The following TRPM2 variants were observed in gnomAD, a reference collection of about 807,000 sequenced individuals.
The protein encoded by TRPM2 is estrogen-responsive element-associated gene 1 protein.
Under a neutral mutation model 174.0 loss-of-function variants are expected in TRPM2, and 161 were observed. The ratio of observed to expected loss-of-function variants is 0.93; its 90% CI spans 0.81 to 1.05. The LOEUF (loss-of-function observed/expected upper bound fraction) is 1.05, where lower values mean the gene tolerates loss of function less well. TRPM2 is among the 50% of genes least tolerant of loss of function. TRPM2 has a pLI of 0.00. For missense variants in TRPM2, 2,057 were observed against 2,038.0 expected (o/e 1.01, Z -0.18); for synonymous variants, 954 against 861.3 (o/e 1.11, Z -1.88).
Position 44,369,298 on chromosome 21 carries a change from C to T in TRPM2, c.726C>T (p.Ala242=), listed in dbSNP as rs1233588825. ...GCGAGCTCATCACCATCGGAGTCGC[C>T]ACCTGGGGCACTGTCCACCGCCGCG... ...KEGELITIGV[A]TWGTVHRREG... Residue 242 remains alanine (A), a synonymous_variant, in exon 5 of 32, where the codon GCC becomes GCT. Coordinates refer to ENST00000397928, the MANE Select transcript of TRPM2 (RefSeq NM_003307.4). The T allele has an allele frequency of 6.2e-7, 1 of 1,613,552 alleles. No individual in the cohort carries two copies. Among genetic ancestry groups the T allele is most frequent in the East Asian group, 2.2e-5 (1 of 44,888 alleles).
chr21:44,422,264 C>A, intron 22 of TRPM2: 1 of 1,535,592 alleles, frequency 6.5e-7, no homozygotes, highest in South Asian at 1.2e-5. Flanking sequence ...AGCTCCTCGC[C>A]CACAGGGCAG....
At chr21:44,364,087 T>A in intron 2 of TRPM2, 27 bp from the exon 3 acceptor site, 1 of 1,607,650 alleles carries the variant, frequency 6.2e-7, no homozygotes, top group Non-Finnish European at 8.5e-7. Flanking sequence ...CCACACTCCC[T>A]GGGTGACTGG....
chr21:44,418,196 C>G, intron 21 of TRPM2, 88 bp downstream of exon 21: 47 of 1,509,106 alleles, frequency 3.1e-5, no homozygotes, highest in Non-Finnish European at 4.1e-5. Context: ...GCCCAGAACC[C>G]TGGACGCTCA....
intron 2 of TRPM2, among the ~76,000 whole-genome samples, chr21:44,357,074 A>G (rs919076117): frequency 1.8e-4 from 28 of 151,872 alleles, no homozygotes; most frequent in African/African-American, 6.3e-4. Context: ...TCTTCTGCTG[A>G]CCTCTTGTCT....
At chr21:44,374,819 G>T (rs2048647432) in intron 5 of TRPM2, among the ~76,000 whole-genome samples, 1 of 152,080 alleles carries the variant, frequency 6.6e-6, no homozygotes, top group Non-Finnish European at 1.5e-5. Flanking sequence ...ATCCTCACAG[G>T]CCACAGACCA....
At chr21:44,414,901 G>A (rs555627369) in intron 20 of TRPM2, 4 of 152,344 alleles carry the variant, frequency 2.6e-5, no homozygotes, top group South Asian at 2.1e-4. Flanking sequence ...TCCTGCAAGC[G>A]AGTCTCAGCA....
chr21:44,425,849 A>T, intron 25 of TRPM2, 22 bp downstream of exon 25: 1 of 1,535,758 alleles, frequency 6.5e-7, no homozygotes, highest in Non-Finnish European at 8.8e-7. Context: ...CCCAAGCCCA[A>T]CCAGGCGGAG....
intron 8 of TRPM2, among the ~76,000 whole-genome samples, chr21:44,379,856 G>C (rs926779782): frequency 4.6e-5 from 7 of 152,238 alleles, no homozygotes; most frequent in African/African-American, 1.4e-4. Context: ...CTTTGCAGGG[G>C]CTGGCACTGG....
At chr21:44,369,511 G>A (rs58081043) in intron 5 of TRPM2, among the ~76,000 whole-genome samples, 168 bp downstream of exon 5, 2 of 107,090 alleles carry the variant, frequency 1.9e-5, no homozygotes, top group African/African-American at 7.7e-5. Context: ...TGTGGGTGAC[G>A]TCTGACCGGG....
chr21:44,441,112 G>A (rs567342650), intron 31 of TRPM2, among the ~76,000 whole-genome samples: 4 of 152,188 alleles, frequency 2.6e-5, no homozygotes, highest in Admixed American at 6.5e-5. Flanking sequence ...GGACCTGGCC[G>A]TGCTCCTGGG....
rs35759435 is a variant in TRPM2, at chr21:44,404,388, CAT to C, written c.2539-751_2539-750del. 4.5e-3 allele frequency among the ~76,000 whole-genome samples: 672 copies of C among 149,362 alleles called. 4 individuals carry two copies. The highest frequency in any genetic ancestry group is 0.016 in the African/African-American group (632 of 39,188). ...CAGAATGCACACATACATACACACACATATGTGCACACATACATATTCACACG... is the reference window on the plus strand; with the variant it reads ...CAGAATGCACACATACATACACACACATGTGCACACATACATATTCACACG... On this transcript the variant is annotated intron_variant, in intron 16 of 31. Transcript: ENST00000397928.
intron 27 of TRPM2, among the ~76,000 whole-genome samples, chr21:44,433,830 G>T (rs562459459): frequency 6.6e-6 from 1 of 152,194 alleles, no homozygotes; most frequent in Non-Finnish European, 1.5e-5. Context: ...GACTCTGATC[G>T]CTGTGGGCTC....
In TRPM2 at chr21:44,441,728, T is replaced by C; in HGVS notation, c.4423T>C (p.Trp1475Arg). 1 of 1,611,966 alleles carries C rather than the reference T, an allele frequency of 6.2e-7. No homozygotes were observed. The highest frequency in any genetic ancestry group is 8.5e-7 in the Non-Finnish European group (1 of 1,179,086). Reference sequence around the variant, plus strand: ...CTGCGACTCGGGGGCCTCCATCCGATGGCAGGTGGTGGACAGGCGCATCCC... The same window carrying C: ...CTGCGACTCGGGGGCCTCCATCCGACGGCAGGTGGTGGACAGGCGCATCCC... Reference protein sequence around the residue: ...HACDSGASIRWQVVDRRIPLY... With the variant: ...HACDSGASIRRQVVDRRIPLY... The change falls in exon 32 of 32, where the codon TGG becomes CGG. Residue 1475 changes from tryptophan to arginine, a missense_variant. By Grantham distance (101) the Trp-to-Arg change is moderately radical. Coordinates refer to ENST00000397928, the MANE Select transcript of TRPM2 (RefSeq NM_003307.4).
chr21:44,439,179 C>T lies in TRPM2; in HGVS notation c.4269+11C>T, dbSNP rs2051395869. ...AAGTGCGGCATGGAGGTATTCCTGG[C>T]CTGTTTGCTCTGTTCCACCTGTGTG... On this transcript the variant is annotated intron_variant, in intron 30 of 31. Coordinates refer to ENST00000397928, the MANE Select transcript of TRPM2 (RefSeq NM_003307.4). This position sits in a 1 kb window ranked among gnomAD's most constrained non-coding sequence, Gnocchi z 5.1. The T allele has an allele frequency of 1.2e-6, 2 of 1,610,338 alleles. No homozygotes were observed. Among genetic ancestry groups the T allele is most frequent in the Non-Finnish European group, 1.7e-6 (2 of 1,177,110 alleles).
chr21:44,387,930 G>C (rs183230977), intron 9 of TRPM2, among the ~76,000 whole-genome samples: 1 of 152,204 alleles, frequency 6.6e-6, no homozygotes, highest in Non-Finnish European at 1.5e-5. Flanking sequence ...TGGAGCCCTT[G>C]TGCACTGTTG....
At position 44,418,075 on chromosome 21, in the gene TRPM2, C is replaced by G; in HGVS notation, c.3295C>G (p.Leu1099Val). Residue 1099 changes from leucine to valine, a missense_variant, in exon 21 of 32, where the codon CTG becomes GTG. Coordinates refer to ENST00000397928, the MANE Select transcript of TRPM2 (RefSeq NM_003307.4). ...HLQLFIKRVV[L>V]KTPAKRHKQL... ...GCAGCTCTTCATCAAGAGGGTGGTC[C>G]TGAAGACTCCGGCCAAGAGGCACAA... is the stretch of plus-strand genomic sequence containing the variant. 6.2e-7 allele frequency: 1 copy of G among 1,612,840 alleles called. No individual in the cohort carries two copies. Among genetic ancestry groups the G allele is most frequent in the South Asian group, 1.1e-5 (1 of 91,084 alleles).
chr21:44,414,042 C>G lies in TRPM2; in HGVS notation c.3114C>G (p.Ile1038Met), dbSNP rs1167629012. The G allele has an allele frequency of 1.2e-6, 2 of 1,613,300 alleles. No individual in the cohort carries two copies. The highest frequency in any genetic ancestry group is 1.7e-6 in the Non-Finnish European group (2 of 1,179,918). The change falls in exon 20 of 32, where the codon ATC becomes ATG. Residue 1038 changes from isoleucine (I) to methionine (M), a missense_variant. Coordinates refer to ENST00000397928, the MANE Select transcript of TRPM2 (RefSeq NM_003307.4). ...LLCLYLLFTN[I>M]LLLNLLIAMF... ...GCCTCTACCTGCTCTTCACCAACAT[C>G]CTGCTGCTCAACCTCCTCATCGCCA...
At chr21:44,385,849 A>T (rs960878771) in intron 9 of TRPM2, among the ~76,000 whole-genome samples, 1 of 152,050 alleles carries the variant, frequency 6.6e-6, no homozygotes, top group African/African-American at 2.4e-5. Flanking sequence ...ATCAGATCTC[A>T]TGAGAACTTA....
At chr21:44,431,238 G>A (rs2051010937) in intron 27 of TRPM2, among the ~76,000 whole-genome samples, 1 of 151,416 alleles carries the variant, frequency 6.6e-6, no homozygotes, top group Non-Finnish European at 1.5e-5. Flanking sequence ...TTGATGTGTA[G>A]GGATTTTATT....
Sources: gnomAD v4.1 joint callset for allele counts (sites outside exome capture counted in the v4.1 genomes callset) on GRCh38, gnomAD v4.1.1 for gene constraint, Gnocchi (gnomAD v3.1) non-coding constraint, MANE v1.5 for transcripts, NCBI Gene and HGNC (gene_info 2026-07-23, HGNC 2026-07-21) for gene names.